ARID1B: variants seen among roughly 807,000 people sequenced by gnomAD.
ARID1B encodes AT-rich interaction domain 1B, also known as AT-rich interactive domain-containing protein 1B.
In ARID1B, 30 loss-of-function variants were observed where a neutral mutation model predicts 212.3. The observed-to-expected ratio is 0.14, with a 90% CI of 0.11 to 0.19. ARID1B has a LOEUF of 0.19. Ranked by LOEUF, ARID1B falls within the 10% of genes least tolerant of loss-of-function variation. ARID1B has a pLI of 1.00. For synonymous variants in ARID1B, 1,402 were observed against 1,301.7 expected (o/e 1.08, Z -1.66); for missense variants, 2,891 against 3,204.0 (o/e 0.90, Z 2.36).
chr6:157,103,430 T>TA (rs1447209149), intron 5 of ARID1B, among the ~76,000 whole-genome samples: 6 of 152,224 alleles, frequency 3.9e-5, no homozygotes, highest in Non-Finnish European at 8.8e-5. Flanking sequence ...TGTCCAGTTG[T>TA]AAAAAATCGT....
intron 6 of ARID1B, among the ~76,000 whole-genome samples, chr6:157,122,047 C>T (rs938301591): frequency 6.6e-6 from 1 of 152,144 alleles, no homozygotes; most frequent in African/African-American, 2.4e-5. Flanking sequence ...AACACAGGGA[C>T]ATGTTTTAGA....
At chr6:156,964,768 A>G (rs1225754364) in intron 4 of ARID1B, among the ~76,000 whole-genome samples, 2 of 152,228 alleles carry the variant, frequency 1.3e-5, no homozygotes, top group Non-Finnish European at 2.9e-5. Context: ...AGGTTATTAT[A>G]TAAGTCTTAT....
intron 2 of ARID1B, among the ~76,000 whole-genome samples, chr6:156,837,745 G>A (rs140127278): frequency 1.3e-5 from 2 of 152,310 alleles, no homozygotes; most frequent in East Asian, 3.9e-4. Context: ...ATGGGTGGGA[G>A]CATGTGAGGC....
intron 4 of ARID1B, among the ~76,000 whole-genome samples, chr6:157,043,136 GA>G (rs1165859641): frequency 1.3e-5 from 2 of 152,146 alleles, no homozygotes; most frequent in Admixed American, 6.5e-5. Context: ...ATATCTTAGA[GA>G]AAAATAACAT....
intron 4 of ARID1B, among the ~76,000 whole-genome samples, chr6:156,987,995 A>C (rs916146823): frequency 7.2e-5 from 11 of 152,218 alleles, no homozygotes; most frequent in African/African-American, 2.7e-4. Flanking sequence ...GGATAATGGA[A>C]TATCGTGGAA....
chr6:157,056,022 T>C (rs956068153), intron 4 of ARID1B, among the ~76,000 whole-genome samples: 2 of 152,186 alleles, frequency 1.3e-5, no homozygotes, highest in African/African-American at 2.4e-5. Context: ...CACCCAGGAA[T>C]ATCTCCTTTT....
chr6:157,042,939 G>A (rs1263707700), intron 4 of ARID1B, among the ~76,000 whole-genome samples: 2 of 152,158 alleles, frequency 1.3e-5, no homozygotes, highest in Non-Finnish European at 2.9e-5. Flanking sequence ...GGGATTACAG[G>A]CATGAGCCAC....
chr6:157,004,890 CTTTTTTCTT>C (rs1779122103), intron 4 of ARID1B, among the ~76,000 whole-genome samples: 480 of 35,636 alleles, frequency 0.013, 39 homozygotes, highest in African/African-American at 0.028. Context: ...TTTTCTTCTT[CTTTTTTCTT>C]TTTTTTTTTT....
intron 2 of ARID1B, among the ~76,000 whole-genome samples, chr6:156,872,233 C>T (rs1449084716): frequency 1.3e-5 from 2 of 152,172 alleles, no homozygotes; most frequent in Non-Finnish European, 2.9e-5. Flanking sequence ...AGCAGGTTGC[C>T]TAGGACCTGG....
chr6:156,909,206 G>T (rs1236733092), intron 3 of ARID1B, among the ~76,000 whole-genome samples: 4 of 148,342 alleles, frequency 2.7e-5, no homozygotes, highest in African/African-American at 1.0e-4. Flanking sequence ...GCTCACTGCG[G>T]CATCTGCCTC....
Position 157,203,981 on chromosome 6 carries a change from T to A in ARID1B, c.5379T>A (p.Thr1793=). The change falls in exon 19 of 20, where the codon ACT becomes ACA. Residue 1793 remains threonine (T), a synonymous_variant. Transcript: ENST00000636930. This position sits in a 1 kb window ranked among gnomAD's most constrained non-coding sequence, Gnocchi z 4.4. ...TGTATGATGACAGCACTGTTGCTAC[T>A]TTCAATCTCTCCCAGGTAAGCCAGC... ...ILLYDDSTVA[T]FNLSQLSGFL... 6.2e-7 allele frequency: 1 copy of A among 1,614,144 alleles called. No homozygotes were observed. The highest frequency in any genetic ancestry group is 8.5e-7 in the Non-Finnish European group (1 of 1,179,976).
rs114647895 is a variant in ARID1B at position 156,931,414 on chromosome 6, G to A, written c.2137-4052G>A. On this transcript the variant is annotated intron_variant, in intron 3 of 19. Transcript: ENST00000636930. Reference sequence around the variant, plus strand: ...GTAATAGTTATCTTTACCCTTTCCTGTAGTAGAAGTGGGATACTAGTGTTT... The same window carrying A: ...GTAATAGTTATCTTTACCCTTTCCTATAGTAGAAGTGGGATACTAGTGTTT... 3.1e-3 allele frequency among the ~76,000 whole-genome samples: 470 copies of A among 152,116 alleles called. 4 individuals are homozygous for A. The highest frequency in any genetic ancestry group is 0.011 in the African/African-American group (444 of 41,494).
At chr6:157,083,971 TA>T (rs1288197148) in intron 4 of ARID1B, among the ~76,000 whole-genome samples, 1 of 151,248 alleles carries the variant, frequency 6.6e-6, no homozygotes, top group Non-Finnish European at 1.5e-5. Flanking sequence ...CCGTCTCTAT[TA>T]AAAATACAAA....
rs1291784970 is a variant in ARID1B, at chr6:156,791,477, G to A, written c.1791+12006G>A. 2.0e-5 allele frequency among the ~76,000 whole-genome samples: 3 copies of A among 152,232 alleles called. No homozygotes were observed. In the East Asian group the frequency reaches 5.8e-4, roughly 29 times the overall value. ...TTTAAGACAACCCCTTACGTGAGCT[G>A]TTCCATTCTTAACCTCTTTGACTGA... On this transcript the variant is annotated intron_variant, in intron 1 of 19. Coordinates refer to ENST00000636930, the MANE Select transcript of ARID1B (RefSeq NM_001374828.1).
intron 2 of ARID1B, among the ~76,000 whole-genome samples, chr6:156,890,976 C>T (rs1333927262): frequency 6.6e-6 from 1 of 152,116 alleles, no homozygotes; most frequent in African/African-American, 2.4e-5. Context: ...GAGGAAAAGG[C>T]ACCTAAGCTG....
intron 5 of ARID1B, among the ~76,000 whole-genome samples, chr6:157,100,558 T>G (rs907806712): frequency 1.3e-5 from 2 of 152,212 alleles, no homozygotes; most frequent in Non-Finnish European, 2.9e-5. Flanking sequence ...CTAAATAACT[T>G]GTGGGTTTTC....
chr6:156,959,533 G>T (rs906399097), intron 4 of ARID1B, among the ~76,000 whole-genome samples: 31 of 151,388 alleles, frequency 2.0e-4, no homozygotes, highest in African/African-American at 6.8e-4. Context: ...GCTTAATTCG[G>T]TCTGTTTATT....
At position 157,209,528 on chromosome 6, in the gene ARID1B, T is replaced by C; in HGVS notation, c.*1637T>C. 4.3e-6 allele frequency: 1 copy of C among 233,148 alleles called. No individual in the cohort carries two copies. The highest frequency in any genetic ancestry group is 6.0e-5 in the East Asian group (1 of 16,540). The allele number at this position is 233,148 out of a possible 1,614,324, so 14.4% of individuals were successfully genotyped here. On this transcript the variant is annotated 3_prime_UTR_variant, in exon 20 of 20. Coordinates refer to ENST00000636930, the MANE Select transcript of ARID1B (RefSeq NM_001374828.1). ...ATTTTCAGTATTTATGGGAGGTGGC[T>C]GCTGACCCACTTGAGGTGAGATCTC...
At chr6:156,856,969 G>T (rs1784996269) in intron 2 of ARID1B, among the ~76,000 whole-genome samples, 1 of 152,172 alleles carries the variant, frequency 6.6e-6, no homozygotes, top group Non-Finnish European at 1.5e-5. Context: ...AAGGCTGGAA[G>T]GGTCCAGAAG....
Sources: allele counts gnomAD v4.1 joint callset (sites outside exome capture counted in the v4.1 genomes callset), GRCh38; gene constraint gnomAD v4.1.1; non-coding constraint Gnocchi (gnomAD v3.1); transcripts MANE v1.5; gene names NCBI Gene and HGNC (gene_info 2026-07-23, HGNC 2026-07-21).